RNASEH1: variants seen among roughly 807,000 people sequenced by gnomAD.
RNASEH1 encodes ribonuclease H1, also known as ribonuclease H type II.
A neutral mutation model predicts 34.6 loss-of-function variants in RNASEH1; 27 were observed. The ratio of observed to expected loss-of-function variants is 0.78; its 90% CI spans 0.58 to 1.08. RNASEH1 has a LOEUF of 1.08. Among genes scored for constraint, RNASEH1 ranks in the 50% least tolerant of loss-of-function variants. The pLI, the probability that RNASEH1 is intolerant of heterozygous loss-of-function variation, is 0.00. For synonymous variants in RNASEH1, 162 were observed against 138.4 expected, an observed-to-expected ratio of 1.17 and a Z score of -1.20; for missense variants, 349 against 373.6, an observed-to-expected ratio of 0.93 and a Z score of 0.54.
chr2:3,541,172 CA>C (rs1181755341), downstream of RNASEH1, among the ~76,000 whole-genome samples: 2 of 151,752 alleles, frequency 1.3e-5, no homozygotes, highest in African/African-American at 4.8e-5. Flanking sequence ...ACTAAAAATA[CA>C]AAAAAATTAG....
At chr2:3,555,864 A>G (rs779565234) in intron 2 of RNASEH1, among the ~76,000 whole-genome samples, 8 of 152,206 alleles carry the variant, frequency 5.3e-5, no homozygotes, top group Non-Finnish European at 1.0e-4. Context: ...CGTACTTTCT[A>G]TAACACATAA....
chr2:3,546,047 C>T (rs866665718), intron 7 of RNASEH1, among the ~76,000 whole-genome samples, 176 bp from the exon 8 acceptor site: 2 of 152,246 alleles, frequency 1.3e-5, no homozygotes, highest in African/African-American at 4.8e-5. Context: ...CATGCGTTTA[C>T]GCAATGGATG....
Position 3,547,922 on chromosome 2 carries a change from G to A in RNASEH1, c.774+9C>T. On this transcript the variant is annotated intron_variant, in intron 7 of 7. Transcript: ENST00000315212. ...ATGGCCATAGGACATGAACATTTAA[G>A]ATACTCACCCACTGAATGTCCATCC... The A allele has an allele frequency of 6.2e-7, 1 of 1,613,556 alleles. No individual in the cohort carries two copies. The highest frequency in any genetic ancestry group is 8.5e-7 in the Non-Finnish European group (1 of 1,179,564).
intron 3 of RNASEH1, among the ~76,000 whole-genome samples, chr2:3,550,895 A>G (rs936907564): frequency 1.3e-5 from 2 of 152,224 alleles, no homozygotes; most frequent in African/African-American, 4.8e-5. Flanking sequence ...TCTCCTGACC[A>G]GTGCTGGTCT....
At chr2:3,538,319 T>A (rs1199654234), downstream of RNASEH1, among the ~76,000 whole-genome samples, 2 of 151,702 alleles carry the variant, frequency 1.3e-5, no homozygotes, top group African/African-American at 2.4e-5. Flanking sequence ...ACCACTGCAC[T>A]CCAGCCTGAG....
chr2:3,532,544 C>G, the RNASEH1 span, among the ~76,000 whole-genome samples: 2 of 152,044 alleles, frequency 1.3e-5, no homozygotes. Flanking sequence ...ACCCGGGCCA[C>G]GTGGCACAGT....
At position 3,556,997 on chromosome 2, in the gene RNASEH1, T is replaced by C. The variant is rs2147789092; in HGVS notation, c.129-93A>G. 8.6e-6 allele frequency: 8 copies of C among 930,854 alleles called. No individual in the cohort carries two copies. The East Asian group carries it at 1.8e-4, about 21-fold the overall frequency. 57.7% of individuals were successfully genotyped at this position (930,854 alleles called of 1,614,324 possible). A position where few individuals can be genotyped will look rare whatever the true frequency, so the allele number is the denominator to read the frequency against. ...TTAAGGTTGGAAATACAGTTGTCCCTTGGTATCTGAGGGAGACTGATTCCA... is the reference window on the plus strand; with the variant it reads ...TTAAGGTTGGAAATACAGTTGTCCCCTGGTATCTGAGGGAGACTGATTCCA... On this transcript the variant is annotated intron_variant, in intron 1 of 7. Coordinates refer to ENST00000315212, the MANE Select transcript of RNASEH1 (RefSeq NM_002936.6).
At chr2:3,539,068 ATATAT>A (rs1668150549), downstream of RNASEH1, among the ~76,000 whole-genome samples, 1 of 151,884 alleles carries the variant, frequency 6.6e-6, no homozygotes, top group South Asian at 2.1e-4. Flanking sequence ...TCTAGTTCTT[ATATAT>A]TAGGGAAATT....
chr2:3,548,674 C>G lies in RNASEH1; in HGVS notation c.615G>C (p.Leu205=), dbSNP rs1463862782. The change falls in exon 6 of 8, where the codon CTG becomes CTC. Residue 205 remains leucine (L), a synonymous_variant. Coordinates refer to ENST00000315212, the MANE Select transcript of RNASEH1 (RefSeq NM_002936.6). Reference sequence around the variant, plus strand: ...TAAACATACTGTCTGTATACAGAACCAGTTTATTGATGTTTTGAGTCTTTG... The same window carrying G: ...TAAACATACTGTCTGTATACAGAACGAGTTTATTGATGTTTTGAGTCTTTG... ...EQAKTQNINK[L]VLYTDSMFTI... is the part of the protein sequence containing the mutation. 6.2e-7 allele frequency: 1 copy of G among 1,612,002 alleles called. No individual in the cohort carries two copies. Among genetic ancestry groups the G allele is most frequent in the East Asian group, 2.2e-5 (1 of 44,870 alleles).
chr2:3,548,466 G>A (rs1558450756), intron 6 of RNASEH1, among the ~76,000 whole-genome samples, 174 bp downstream of exon 6: 1 of 152,184 alleles, frequency 6.6e-6, no homozygotes, highest in Non-Finnish European at 1.5e-5. Flanking sequence ...TAAGCATGTG[G>A]AAAACATCAG....
the RNASEH1 span, among the ~76,000 whole-genome samples, chr2:3,535,592 G>A: frequency 1.3e-5 from 2 of 152,174 alleles, no homozygotes; most frequent in Non-Finnish European, 2.9e-5. Context: ...TTGAGGAACG[G>A]CAGTAAGAGC....
rs372082137 is a variant in RNASEH1 at position 3,557,322 on chromosome 2, T to A, written c.129-418A>T. On this transcript the variant is annotated intron_variant, in intron 1 of 7. Coordinates refer to ENST00000315212, the MANE Select transcript of RNASEH1 (RefSeq NM_002936.6). ...AGGGCAGAGTCGCACCTTATAGTTT[T>A]ATCCTGCACGTCAGACTCTACACCT... Among the ~76,000 whole-genome samples the A allele has an allele frequency of 7.2e-5, 11 of 152,336 alleles. No individual in the cohort carries two copies. The South Asian group carries it at 1.4e-3, about 20-fold the overall frequency.
At chr2:3,554,354 G>A (rs925752487) in intron 2 of RNASEH1, among the ~76,000 whole-genome samples, 1 of 151,836 alleles carries the variant, frequency 6.6e-6, no homozygotes, top group Non-Finnish European at 1.5e-5. Flanking sequence ...ACACTTTACA[G>A]AACAGATAAG....
intron 7 of RNASEH1, among the ~76,000 whole-genome samples, chr2:3,546,939 A>G (rs1668811047): frequency 6.6e-6 from 1 of 152,222 alleles, no homozygotes; most frequent in Non-Finnish European, 1.5e-5. Flanking sequence ...CCTGGGTAAC[A>G]TGACAAAACT....
At chr2:3,552,805 G>A (rs982787898) in intron 2 of RNASEH1, among the ~76,000 whole-genome samples, 7 of 151,948 alleles carry the variant, frequency 4.6e-5, no homozygotes, top group East Asian at 1.9e-4. Context: ...AATCCAACCC[G>A]GCCAACATAG....
intron 5 of RNASEH1, 98 bp from the exon 6 acceptor site, chr2:3,548,822 C>G: frequency 1.2e-6 from 1 of 841,590 alleles, no homozygotes; most frequent in Non-Finnish European, 2.0e-6. Context: ...CCCCTCTGTA[C>G]TGATTATATT....
intron 2 of RNASEH1, among the ~76,000 whole-genome samples, chr2:3,554,429 A>C (rs1272279928): frequency 1.3e-5 from 2 of 152,234 alleles, no homozygotes; most frequent in Non-Finnish European, 2.9e-5. Flanking sequence ...TTTTTAAGTA[A>C]ATTAACCTTA....
At chr2:3,538,250 G>A (rs969845722), downstream of RNASEH1, among the ~76,000 whole-genome samples, 1 of 151,726 alleles carries the variant, frequency 6.6e-6, no homozygotes, top group Non-Finnish European at 1.5e-5. Context: ...TACTCCGGAG[G>A]CTGAGGCAAG....
intron 2 of RNASEH1, among the ~76,000 whole-genome samples, chr2:3,554,838 C>T (rs1660328447): frequency 6.6e-6 from 1 of 151,606 alleles, no homozygotes; most frequent in South Asian, 2.1e-4. Context: ...TTCAAACCTG[C>T]TTTCTGTCTC....
Sources: gnomAD v4.1 joint callset for allele counts (sites outside exome capture counted in the v4.1 genomes callset) on GRCh38, gnomAD v4.1.1 for gene constraint, MANE v1.5 for transcripts, NCBI Gene and HGNC (gene_info 2026-07-23, HGNC 2026-07-21) for gene names.